YLPM1: variants seen among roughly 807,000 people sequenced by gnomAD.
YLPM1 encodes YLP motif-containing protein 1.
A neutral mutation model predicts 230.0 loss-of-function variants in YLPM1; 99 were observed. The ratio of observed to expected loss-of-function variants is 0.43; its 90% CI spans 0.37 to 0.51. The LOEUF is 0.51. Among genes scored for constraint, YLPM1 ranks in the 20% least tolerant of loss-of-function variants. The pLI is 0.00. For synonymous variants in YLPM1, 984 were observed against 942.5 expected (o/e 1.04, Z -0.81); for missense variants, 2,592 against 2,707.7 (o/e 0.96, Z 0.95).
rs574270388 is a variant in YLPM1 at position 74,788,696 on chromosome 14, A to G, written c.2282+6371A>G. On this transcript the variant is annotated intron_variant, in intron 4 of 20. Coordinates refer to ENST00000325680, the MANE Select transcript of YLPM1 (RefSeq NM_019589.3). ...CTGTCTCTACAAAAAGTAAAAAATT[A>G]GCCAGGCTTGGTGGCATGTGCCTGT... is the stretch of plus-strand genomic sequence containing the variant. Among the ~76,000 whole-genome samples the G allele has an allele frequency of 1.8e-4, 27 of 152,234 alleles. No individual in the cohort carries two copies. The East Asian group carries it at 3.5e-3, about 20-fold the overall frequency.
At position 74,763,445 on chromosome 14, in the gene YLPM1, G is replaced by T; in HGVS notation, c.-45G>T. On this transcript the variant is annotated 5_prime_UTR_variant, in exon 1 of 21. Coordinates refer to ENST00000325680, the MANE Select transcript of YLPM1 (RefSeq NM_019589.3). ...GCCGCGGCTCCTGGAGGTCGGTTGC[G>T]ACGAGTAACGGCGCCAGGACGAGCC... The T allele has an allele frequency of 7.3e-7, 1 of 1,372,630 alleles. No homozygotes were observed. The highest frequency in any genetic ancestry group is 1.9e-5 in the South Asian group (1 of 51,334). The allele number at this position is 1,372,630 out of a possible 1,614,324, so 85.0% of individuals were successfully genotyped here. A position where few individuals can be genotyped will look rare whatever the true frequency, so the allele number is the denominator to read the frequency against.
chr14:74,830,333 G>T (rs1446745693), intron 19 of YLPM1, among the ~76,000 whole-genome samples: 1 of 152,142 alleles, frequency 6.6e-6, no homozygotes, highest in Admixed American at 6.6e-5. Flanking sequence ...ATATTAGATA[G>T]GTCTTTACAT....
rs917133366 is a variant in YLPM1 at position 74,810,928 on chromosome 14, A to G, written c.5228+508A>G. ...AGCCTCCACCTCCTGGGCTCAAGTG[A>G]TCCTCCCACCTCAGTCTCCTGAGTA... On this transcript the variant is annotated intron_variant, in intron 9 of 20. Coordinates refer to ENST00000325680, the MANE Select transcript of YLPM1 (RefSeq NM_019589.3). Among the ~76,000 whole-genome samples the G allele has an allele frequency of 2.6e-5, 4 of 152,004 alleles. No individual in the cohort carries two copies. The South Asian group carries it at 8.3e-4, about 32-fold the overall frequency.
In YLPM1 at chr14:74,817,124, C is replaced by CT; in HGVS notation, c.5862+20dup. The CT allele has an allele frequency of 6.3e-7, 1 of 1,597,812 alleles. No individual in the cohort carries two copies. The highest frequency in any genetic ancestry group is 8.5e-7 in the Non-Finnish European group (1 of 1,173,142). Reference sequence around the variant, plus strand: ...GGATTTGAGGTAGAAGCTTAAAGAACTTTAAAGTACTTTGTGTTGTCATGT... The same window carrying CT: ...GGATTTGAGGTAGAAGCTTAAAGAACTTTTAAAGTACTTTGTGTTGTCATGT... On this transcript the variant is annotated intron_variant, in intron 14 of 20. Coordinates refer to ENST00000325680, the MANE Select transcript of YLPM1 (RefSeq NM_019589.3).
At chr14:74,822,068 A>G (rs368162385) in intron 17 of YLPM1, 1 of 152,234 alleles carries the variant, frequency 6.6e-6, no homozygotes, top group Non-Finnish European at 1.5e-5. Context: ...GTCAACCTCT[A>G]CATTCCAAGA....
intron 6 of YLPM1, among the ~76,000 whole-genome samples, chr14:74,804,073 C>G (rs1366603118): frequency 2.0e-5 from 3 of 152,192 alleles, no homozygotes; most frequent in African/African-American, 7.2e-5. Context: ...AGGAGAATCA[C>G]TTGAACCCGG....
intron 9 of YLPM1, among the ~76,000 whole-genome samples, chr14:74,811,131 C>T (rs2091430289): frequency 6.6e-6 from 1 of 152,038 alleles, no homozygotes; most frequent in East Asian, 1.9e-4. Context: ...CCAGCTTTCC[C>T]ATGAACTTCT....
intron 1 of YLPM1, 82 bp from the exon 2 acceptor site, chr14:74,778,365 A>G: frequency 1.6e-6 from 2 of 1,229,296 alleles, no homozygotes; most frequent in Non-Finnish European, 2.3e-6. Context: ...GAACACAGAC[A>G]TAAAGATAGG....
intron 1 of YLPM1, among the ~76,000 whole-genome samples, chr14:74,765,879 G>A (rs1372147007): frequency 6.6e-6 from 1 of 152,184 alleles, no homozygotes; most frequent in East Asian, 1.9e-4. Context: ...GTGAGAGGCA[G>A]AGTGGTGGAA....
chr14:74,820,564 C>T (rs1186062250), intron 16 of YLPM1, among the ~76,000 whole-genome samples: 1 of 152,066 alleles, frequency 6.6e-6, no homozygotes, highest in East Asian at 1.9e-4. Context: ...CTTTACTCTG[C>T]CCTTGTGACC....
chr14:74,798,172 C>T lies in YLPM1; in HGVS notation c.2875C>T (p.Pro959Ser), dbSNP rs1201095880. 7.4e-6 allele frequency: 12 copies of T among 1,613,966 alleles called. No individual in the cohort carries two copies. Among genetic ancestry groups the T allele is most frequent in the East Asian group, 4.5e-5 (2 of 44,878 alleles). Residue 959 changes from proline to serine, a missense_variant, in exon 5 of 21, where the codon CCT becomes TCT. Transcript: ENST00000325680. ...GCCTGTACCTGCTCAATCTACTTTT[C>T]CTTCAAAAACAGGGGGGATGGAGGG... Reference protein sequence around the residue: ...NKPVPAQSTFPSKTGGMEGGT... With the variant: ...NKPVPAQSTFSSKTGGMEGGT...
In YLPM1 at chr14:74,802,638, A is replaced by C. The variant is rs1205990700; in HGVS notation, c.4483A>C (p.Arg1495=). Residue 1495 remains arginine (R), a synonymous_variant, in exon 6 of 21, where the codon AGA becomes CGA. Transcript: ENST00000325680. ...MADHLPPQES[R]LQNTSSRPGM... ...TGACCATCTACCACCTCAGGAATCA[A>C]GATTGCAGAATACATCTTCAAGACC... is the stretch of plus-strand genomic sequence containing the variant. 3 of 1,613,420 alleles carry C rather than the reference A, an allele frequency of 1.9e-6. No individual in the cohort carries two copies. In the Admixed American group the frequency reaches 5.0e-5, roughly 27 times the overall value.
intron 4 of YLPM1, among the ~76,000 whole-genome samples, chr14:74,792,287 C>A (rs1482920569): frequency 6.6e-6 from 1 of 152,192 alleles, no homozygotes; most frequent in Non-Finnish European, 1.5e-5. Flanking sequence ...CTTTCTCAAT[C>A]TTAGCAAACA....
At chr14:74,821,216 T>C (rs2140138238) in intron 17 of YLPM1, 79 bp downstream of exon 17, 1 of 1,457,736 alleles carries the variant, frequency 6.9e-7, no homozygotes, top group Non-Finnish European at 9.1e-7. Flanking sequence ...GATCTGTGGT[T>C]AGACAACTAC....
At chr14:74,813,527 G>A (rs890098995) in intron 11 of YLPM1, among the ~76,000 whole-genome samples, 4 of 151,936 alleles carry the variant, frequency 2.6e-5, no homozygotes, top group South Asian at 2.1e-4. Context: ...TTCTGACTCC[G>A]TAGGACACAG....
At chr14:74,806,783 CCCATTT>C (rs1458423258) in intron 6 of YLPM1, among the ~76,000 whole-genome samples, 6 of 150,740 alleles carry the variant, frequency 4.0e-5, no homozygotes, top group African/African-American at 7.3e-5. Context: ...GTGTCCTTCA[CCCATTT>C]ATCTGTTTGA....
rs1178792470 is a variant in YLPM1, at chr14:74,798,124, C to CAGCCTGTACCCCTTGCGAATA, written c.2838_2858dup (p.Leu947_Pro953dup). On this transcript the variant is annotated inframe_insertion, in exon 5 of 21. Coordinates refer to ENST00000325680, the MANE Select transcript of YLPM1 (RefSeq NM_019589.3). ...AATCGACAAAGCCCAAGCTGTTACT[C>CAGCCTGTACCCCTTGCGAATA]AGCCTGTACCCCTTGCGAATAAGCC... The CAGCCTGTACCCCTTGCGAATA allele has an allele frequency of 7.4e-6, 12 of 1,613,988 alleles. No individual in the cohort carries two copies. Among genetic ancestry groups the CAGCCTGTACCCCTTGCGAATA allele is most frequent in the South Asian group, 1.1e-5 (1 of 91,084 alleles).
intron 1 of YLPM1, among the ~76,000 whole-genome samples, chr14:74,772,483 C>T (rs899654282): frequency 9.2e-5 from 14 of 151,990 alleles, no homozygotes; most frequent in East Asian, 1.9e-4. Flanking sequence ...CTCAGCCTCC[C>T]GAGTAGCTGG....
intron 18 of YLPM1, among the ~76,000 whole-genome samples, chr14:74,826,574 T>TTGAAGC (rs1352183443): frequency 6.6e-6 from 1 of 152,224 alleles, no homozygotes; most frequent in Non-Finnish European, 1.5e-5. Flanking sequence ...CCTATAGTCT[T>TTGAAGC]TGAAGCAGCT....
Sources: allele counts gnomAD v4.1 joint callset (sites outside exome capture counted in the v4.1 genomes callset), GRCh38; gene constraint gnomAD v4.1.1; transcripts MANE v1.5; gene names NCBI Gene and HGNC (gene_info 2026-07-23, HGNC 2026-07-21).